CADPS2: variants seen among roughly 807,000 people sequenced by gnomAD.
CADPS2 encodes the protein calcium dependent secretion activator 2.
In CADPS2, 93 loss-of-function variants were observed where a neutral mutation model predicts 172.5. That is an observed-to-expected ratio of 0.54 (90% confidence interval 0.46 to 0.64). The LOEUF is 0.64. CADPS2 is among the 30% of genes least tolerant of loss of function. The pLI, the probability that CADPS2 is intolerant of heterozygous loss-of-function variation, is 0.00. For missense variants in CADPS2, 1,420 were observed against 1,565.9 expected, an observed-to-expected ratio of 0.91 and a Z score of 1.57; for synonymous variants, 546 against 555.2, an observed-to-expected ratio of 0.98 and a Z score of 0.23.
intron 3 of CADPS2, among the ~76,000 whole-genome samples, chr7:122,654,911 T>A (rs1196208206): frequency 6.6e-6 from 1 of 152,204 alleles, no homozygotes; most frequent in African/African-American, 2.4e-5. Flanking sequence ...GAAGTTAAAA[T>A]GTCAACATGA....
chr7:122,723,489 A>C (rs924706030), intron 2 of CADPS2, among the ~76,000 whole-genome samples: 100 of 152,202 alleles, frequency 6.6e-4, no homozygotes, highest in Admixed American at 2.4e-3. Flanking sequence ...TACCATCTCA[A>C]ACCAGTTAGA....
chr7:122,655,838 A>G (rs548303905), intron 3 of CADPS2, among the ~76,000 whole-genome samples: 1 of 152,198 alleles, frequency 6.6e-6, no homozygotes, highest in South Asian at 2.1e-4. Flanking sequence ...TCAATCAAAA[A>G]TAATCCTCAA....
intron 1 of CADPS2, among the ~76,000 whole-genome samples, chr7:122,872,343 T>A (rs1400796856): frequency 1.3e-5 from 2 of 152,102 alleles, no homozygotes; most frequent in Admixed American, 6.6e-5. Flanking sequence ...TCTCTGTCAT[T>A]TCAGGTGTTC....
At chr7:122,880,608 T>C (rs755540187) in intron 1 of CADPS2, among the ~76,000 whole-genome samples, 2 of 152,194 alleles carry the variant, frequency 1.3e-5, no homozygotes, top group African/African-American at 2.4e-5. Context: ...GACTGTACAC[T>C]GAAATCAATT....
intron 22 of CADPS2, 39 bp from the exon 23 acceptor site, chr7:122,388,777 G>A (rs753336152): frequency 2.6e-5 from 41 of 1,550,380 alleles, no homozygotes; most frequent in East Asian, 2.5e-4. Flanking sequence ...TGAACTCCCC[G>A]TTAATTAGGT....
At chr7:122,718,189 T>C (rs963423630) in intron 2 of CADPS2, among the ~76,000 whole-genome samples, 1 of 152,006 alleles carries the variant, frequency 6.6e-6, no homozygotes, top group African/African-American at 2.4e-5. Context: ...AAGCTTTATA[T>C]ATGTAGTTTA....
chr7:122,401,167 G>A (rs752620168), intron 20 of CADPS2, among the ~76,000 whole-genome samples: 34 of 152,174 alleles, frequency 2.2e-4, no homozygotes, highest in Non-Finnish European at 3.1e-4. Flanking sequence ...CCATCTTTAC[G>A]AAGGTGAAAG....
chr7:122,333,739 T>C (rs1342393074), intron 28 of CADPS2, among the ~76,000 whole-genome samples: 5 of 152,170 alleles, frequency 3.3e-5, no homozygotes, highest in Non-Finnish European at 7.4e-5. Flanking sequence ...GTAGTTCATG[T>C]CTCCCTCAAT....
intron 2 of CADPS2, among the ~76,000 whole-genome samples, chr7:122,689,008 C>G (rs1437045956): frequency 1.3e-5 from 2 of 152,094 alleles, no homozygotes; most frequent in African/African-American, 4.8e-5. Context: ...TACATTCCAC[C>G]CCCTAGGCTG....
rs1216926371 is a variant in CADPS2 at position 122,492,210 on chromosome 7, T to TA, written c.1543-791dup. On this transcript the variant is annotated intron_variant, in intron 9 of 29. Transcript: ENST00000449022. ...TGAATAAATAAATAAATTAATTAATTAATTAAATTAAATTAAAATAAATCT... is the reference window on the plus strand; with the variant it reads ...TGAATAAATAAATAAATTAATTAATTAAATTAAATTAAATTAAAATAAATCT... 4.5e-4 allele frequency among the ~76,000 whole-genome samples: 68 copies of TA among 151,924 alleles called. No individual in the cohort carries two copies. In the South Asian group the frequency reaches 4.8e-3, roughly 11 times the overall value.
At chr7:122,882,204 C>T (rs2141777947) in intron 1 of CADPS2, among the ~76,000 whole-genome samples, 1 of 152,262 alleles carries the variant, frequency 6.6e-6, no homozygotes, top group Non-Finnish European at 1.5e-5. Flanking sequence ...GTATTATTTA[C>T]ATACATTTCT....
intron 9 of CADPS2, among the ~76,000 whole-genome samples, chr7:122,497,263 A>G (rs1454008909): frequency 6.6e-6 from 1 of 152,112 alleles, no homozygotes; most frequent in Non-Finnish European, 1.5e-5. Flanking sequence ...AGCCCTGAAA[A>G]TCTAGTCTTC....
At chr7:122,639,920 T>A (rs374513409) in intron 3 of CADPS2, among the ~76,000 whole-genome samples, 1 of 152,158 alleles carries the variant, frequency 6.6e-6, no homozygotes, top group East Asian at 1.9e-4. Context: ...ATCTTCCAAG[T>A]GTGTATCTAT....
At chr7:122,448,366 C>T (rs1051768639) in intron 15 of CADPS2, among the ~76,000 whole-genome samples, 11 of 152,132 alleles carry the variant, frequency 7.2e-5, no homozygotes, top group South Asian at 4.1e-4. Flanking sequence ...TACCTCCACC[C>T]GGTCCCACCC....
At chr7:122,571,112 A>C (rs1241624534) in intron 7 of CADPS2, among the ~76,000 whole-genome samples, 1 of 152,116 alleles carries the variant, frequency 6.6e-6, no homozygotes, top group Non-Finnish European at 1.5e-5. Flanking sequence ...ACACTCTCAT[A>C]AAGAAGGTAT....
At chr7:122,366,956 G>A (rs2040995877) in intron 25 of CADPS2, 2 of 151,974 alleles carry the variant, frequency 1.3e-5, no homozygotes, top group South Asian at 2.1e-4. Flanking sequence ...CCAGATGTTG[G>A]TGAATTCACC....
intron 6 of CADPS2, among the ~76,000 whole-genome samples, chr7:122,598,297 C>A (rs912433242): frequency 6.6e-6 from 1 of 151,488 alleles, no homozygotes; most frequent in Non-Finnish European, 1.5e-5. Flanking sequence ...AGGAAAATAC[C>A]CCCTATGTTT....
intron 1 of CADPS2, among the ~76,000 whole-genome samples, chr7:122,787,220 C>G (rs1056569496): frequency 3.3e-5 from 5 of 152,144 alleles, no homozygotes; most frequent in African/African-American, 1.2e-4. Flanking sequence ...TAAAGTGCCT[C>G]TATACACCCC....
At chr7:122,724,899 A>C (rs1230658360) in intron 2 of CADPS2, among the ~76,000 whole-genome samples, 1 of 152,090 alleles carries the variant, frequency 6.6e-6, no homozygotes, top group Non-Finnish European at 1.5e-5. Flanking sequence ...TTTTAAATGC[A>C]TAAAAATAAG....
Sources: gnomAD v4.1 joint callset for allele counts (sites outside exome capture counted in the v4.1 genomes callset) on GRCh38, gnomAD v4.1.1 for gene constraint, MANE v1.5 for transcripts, NCBI Gene and HGNC (gene_info 2026-07-23, HGNC 2026-07-21) for gene names.